MROH7: variants seen among roughly 807,000 people sequenced by gnomAD.
MROH7 encodes maestro heat like repeat family member 7.
Under a neutral mutation model 129.2 loss-of-function variants are expected in MROH7, and 113 were observed. That is an observed-to-expected ratio of 0.87 (90% CI 0.75 to 1.02). MROH7 has a LOEUF of 1.02. Among genes scored for constraint, MROH7 ranks in the 50% least tolerant of loss-of-function variants. The probability of loss-of-function intolerance (pLI) is 0.00; values close to 1 mark genes in which losing one functional copy is unlikely to be tolerated. For synonymous variants in MROH7, 655 were observed against 667.9 expected, an observed-to-expected ratio of 0.98 and a Z score of 0.30; for missense variants, 1,601 against 1,671.3, an observed-to-expected ratio of 0.96 and a Z score of 0.73.
chr1:54,645,742 C>T (rs1404289539), intron 1 of MROH7, among the ~76,000 whole-genome samples: 4 of 150,192 alleles, frequency 2.7e-5, no homozygotes, highest in Non-Finnish European at 5.9e-5. Flanking sequence ...AGGCTTGCCT[C>T]CCGGGCTCAA....
intron 3 of MROH7, among the ~76,000 whole-genome samples, chr1:54,664,634 C>T (rs1190397533): frequency 6.6e-6 from 1 of 152,210 alleles, no homozygotes; most frequent in Non-Finnish European, 1.5e-5. Context: ...AGGGTCTTGG[C>T]AAGGATGCTG....
In MROH7 at chr1:54,710,236, C is replaced by T. The variant is rs41313357; in HGVS notation, c.*49C>T. On this transcript the variant is annotated 3_prime_UTR_variant, in exon 24 of 24. Coordinates refer to ENST00000421030, the MANE Select transcript of MROH7 (RefSeq NM_001039464.4). ...TCAGGGTGGTTGAGTTCCAGCCATGCTCCCTATAAATGTCATGTGGCTTAC... is the reference window on the plus strand; with the variant it reads ...TCAGGGTGGTTGAGTTCCAGCCATGTTCCCTATAAATGTCATGTGGCTTAC... The T allele has an allele frequency of 2.8e-5, 44 of 1,589,058 alleles. No individual in the cohort carries two copies. Among genetic ancestry groups the T allele is most frequent in the Non-Finnish European group, 3.6e-5 (42 of 1,169,652 alleles).
intron 13 of MROH7, among the ~76,000 whole-genome samples, chr1:54,681,574 G>T (rs1195613602): frequency 6.6e-6 from 1 of 152,198 alleles, no homozygotes; most frequent in East Asian, 1.9e-4. Flanking sequence ...GTTGCCAGGG[G>T]AACAGAGCTA....
rs199956626 is a variant in MROH7 at position 54,653,788 on chromosome 1, T to C, written c.862T>C (p.Leu288=). 29 of 1,614,188 alleles carry C rather than the reference T, an allele frequency of 1.8e-5. No individual in the cohort carries two copies. The highest frequency in any genetic ancestry group is 2.5e-5 in the Non-Finnish European group (29 of 1,180,022). ...TTCCAGCGGCCACTCCAGATCTGAT[T>C]TGAGCGTGACCATCACTCAAGCCTC... The part of the protein sequence containing the change: ...VASSGHSRSD[L]SVTITQASYV... Residue 288 remains leucine, a synonymous_variant, in exon 3 of 24, where the codon TTG becomes CTG. Coordinates refer to ENST00000421030, the MANE Select transcript of MROH7 (RefSeq NM_001039464.4).
At chr1:54,682,429 A>G (rs548645048) in intron 13 of MROH7, among the ~76,000 whole-genome samples, 1 of 152,154 alleles carries the variant, frequency 6.6e-6, no homozygotes, top group Non-Finnish European at 1.5e-5. Flanking sequence ...TGGCCTCCCA[A>G]AGTGCTGGGA....
chr1:54,646,889 G>A (rs748171053), intron 1 of MROH7, among the ~76,000 whole-genome samples: 29 of 152,188 alleles, frequency 1.9e-4, no homozygotes, highest in Non-Finnish European at 3.5e-4. Context: ...AAAGGGAGTC[G>A]TATAATATGT....
At chr1:54,707,713 T>C (rs1480579240) in intron 22 of MROH7, among the ~76,000 whole-genome samples, 2 of 152,160 alleles carry the variant, frequency 1.3e-5, no homozygotes, top group Non-Finnish European at 2.9e-5. Flanking sequence ...TGGGGAAACA[T>C]AGTGAGTAGA....
Position 54,689,000 on chromosome 1 carries a change from G to A in MROH7, c.2711+2552G>A, listed in dbSNP as rs78721272. 0.014 allele frequency among the ~76,000 whole-genome samples: 2,133 copies of A among 152,312 alleles called. 136 individuals carry two copies. In the East Asian group the frequency reaches 0.2, roughly 14 times the overall value. On this transcript the variant is annotated intron_variant, in intron 15 of 23. Coordinates refer to ENST00000421030, the MANE Select transcript of MROH7 (RefSeq NM_001039464.4). ...CTGAGAGGCAGAAAAAGCAGAGGCAGGCATGTGCCAGGCTGAAGGGGGGCC... is the reference window on the plus strand; with the variant it reads ...CTGAGAGGCAGAAAAAGCAGAGGCAAGCATGTGCCAGGCTGAAGGGGGGCC...
chr1:54,679,941 G>A lies in MROH7; in HGVS notation c.2277G>A (p.Glu759=). The change falls in exon 13 of 24, where the codon GAG becomes GAA. Residue 759 remains glutamate, a synonymous_variant. Transcript: ENST00000421030. The part of the protein sequence containing the change: ...GIYMQLSHIQ[E]PRARQVALLP... Reference sequence around the variant, plus strand: ...ACATGCAGCTGAGCCACATCCAGGAGCCTCGGGCCCGCCAGGTGGCCCTGC... The same window carrying A: ...ACATGCAGCTGAGCCACATCCAGGAACCTCGGGCCCGCCAGGTGGCCCTGC... 1 of 1,613,782 alleles carries A rather than the reference G, an allele frequency of 6.2e-7. No individual in the cohort carries two copies. The highest frequency in any genetic ancestry group is 8.5e-7 in the Non-Finnish European group (1 of 1,179,956).
intron 19 of MROH7, 88 bp from the exon 20 acceptor site, chr1:54,702,002 T>C: frequency 8.2e-7 from 1 of 1,214,806 alleles, no homozygotes; most frequent in Non-Finnish European, 1.1e-6. Flanking sequence ...AGACCTAGGC[T>C]TGAGTGAGAG....
rs1407944596 is a variant in MROH7 at position 54,699,158 on chromosome 1, CTTTT to C, written c.2965-1162_2965-1159del. On this transcript the variant is annotated intron_variant, in intron 17 of 23. Coordinates refer to ENST00000421030, the MANE Select transcript of MROH7 (RefSeq NM_001039464.4). ...TCTTTCTTTCTTTCTTTCTTTCTTT[CTTTT>C]CTTTCTTTCTTTCTTTCTTTCTTTC... 7.5e-4 allele frequency: 51 copies of C among 67,948 alleles called. 2 individuals carry two copies. The highest frequency in any genetic ancestry group is 3.3e-3 in the African/African-American group (44 of 13,432). 4.2% of individuals were successfully genotyped at this position (67,948 alleles called of 1,614,324 possible). A position where few individuals can be genotyped will look rare whatever the true frequency, so the allele number is the denominator to read the frequency against.
chr1:54,692,358 G>A lies in MROH7; in HGVS notation c.2712-66G>A, dbSNP rs566800067. 52 of 1,592,132 alleles carry A rather than the reference G, an allele frequency of 3.3e-5. No homozygotes were observed. In the South Asian group the frequency reaches 4.9e-4, roughly 15 times the overall value. On this transcript the variant is annotated intron_variant, in intron 15 of 23. Transcript: ENST00000421030. Reference sequence around the variant, plus strand: ...GGGCCAGATGGCAGGAGAGGCCGGGGTGGAGGGAGGCTTGGCCTGCTAGGG... The same window carrying A: ...GGGCCAGATGGCAGGAGAGGCCGGGATGGAGGGAGGCTTGGCCTGCTAGGG...
At chr1:54,649,353 T>C (rs922960917) in intron 1 of MROH7, among the ~76,000 whole-genome samples, 3 of 152,286 alleles carry the variant, frequency 2.0e-5, no homozygotes, top group African/African-American at 7.2e-5. Flanking sequence ...AACAGGCAGT[T>C]TGTGGCTGTC....
At chr1:54,666,169 T>G (rs1644810824) in intron 4 of MROH7, among the ~76,000 whole-genome samples, 1 of 152,168 alleles carries the variant, frequency 6.6e-6, no homozygotes, top group Non-Finnish European at 1.5e-5. Flanking sequence ...AAAAGAAGAC[T>G]TCTTATTGAT....
intron 8 of MROH7, 93 bp from the exon 9 acceptor site, chr1:54,673,608 G>A: frequency 1.1e-6 from 1 of 893,428 alleles, no homozygotes; most frequent in Non-Finnish European, 1.9e-6. Context: ...CTCTCTGGAA[G>A]CTTCCTGCTG....
intron 21 of MROH7, 68 bp downstream of exon 21, chr1:54,702,813 C>G: frequency 2.6e-6 from 4 of 1,512,988 alleles, no homozygotes; most frequent in Non-Finnish European, 3.6e-6. Context: ...CTGTGTCTCT[C>G]TCTTCCTTCT....
chr1:54,665,611 C>A (rs1421172658), intron 4 of MROH7: 8 of 172,088 alleles, frequency 4.6e-5, no homozygotes, highest in Non-Finnish European at 8.8e-5. Flanking sequence ...TTTTTCAGGA[C>A]AGTCAGGCCC....
At chr1:54,652,679 G>C (rs746526723) in intron 2 of MROH7, among the ~76,000 whole-genome samples, 174 bp from the exon 3 acceptor site, 1 of 152,214 alleles carries the variant, frequency 6.6e-6, no homozygotes. Flanking sequence ...TCAAAGAACA[G>C]AACTGAGAGA....
chr1:54,680,973 ACAGT>A (rs1046115413), intron 13 of MROH7, among the ~76,000 whole-genome samples: 1 of 151,936 alleles, frequency 6.6e-6, no homozygotes, highest in African/African-American at 2.4e-5. Flanking sequence ...GGTCCACTAA[ACAGT>A]CAGACTCATA....
Sources: gnomAD v4.1 joint callset for allele counts (sites outside exome capture counted in the v4.1 genomes callset) on GRCh38, gnomAD v4.1.1 for gene constraint, MANE v1.5 for transcripts, NCBI Gene and HGNC (gene_info 2026-07-23, HGNC 2026-07-21) for gene names.